The following FAM186A variants were observed in gnomAD, a reference collection of about 807,000 sequenced individuals.
The protein encoded by FAM186A is family with sequence similarity 186 member A.
A neutral mutation model predicts 216.8 loss-of-function variants in FAM186A; 163 were observed. The observed-to-expected ratio is 0.75, with a 90% confidence interval of 0.66 to 0.86. The LOEUF is 0.86. Ranked by LOEUF, FAM186A falls within the 40% of genes least tolerant of loss-of-function variation. The pLI is 0.00. For synonymous variants in FAM186A, 805 were observed against 1,025.3 expected, an observed-to-expected ratio of 0.79 and a Z score of 4.10; for missense variants, 2,184 against 2,746.2, an observed-to-expected ratio of 0.80 and a Z score of 4.58.
intron 4 of FAM186A, among the ~76,000 whole-genome samples, chr12:50,343,667 G>A (rs1247786699): frequency 6.6e-6 from 1 of 152,114 alleles, no homozygotes. Context: ...CACCCAGGCT[G>A]GAGTGCAGTG....
chr12:50,347,931 G>A (rs997349623), intron 4 of FAM186A, among the ~76,000 whole-genome samples: 1 of 151,622 alleles, frequency 6.6e-6, no homozygotes, highest in Admixed American at 6.6e-5. Context: ...TTGAGACGAC[G>A]GCACAGTCTT....
rs371981725 is a variant in FAM186A, at chr12:50,353,866, T to G, written c.2966A>C (p.Gln989Pro). The change falls in exon 4 of 8, where the codon CAG becomes CCG. Residue 989 changes from glutamine to proline, a missense_variant. Coordinates refer to ENST00000327337, the MANE Select transcript of FAM186A (RefSeq NM_001145475.3). ...ERQIKTKDQM[Q>P]MKETQPKELE... ...CTCTTTAGGTTGTGTTTCCTTCATCTGCATCTGATCCTTTGTTTTGATCTG... is the reference window on the plus strand; with the variant it reads ...CTCTTTAGGTTGTGTTTCCTTCATCGGCATCTGATCCTTTGTTTTGATCTG... The G allele has an allele frequency of 1.3e-6, 2 of 1,551,744 alleles. No homozygotes were observed. Among genetic ancestry groups the G allele is most frequent in the Non-Finnish European group, 1.7e-6 (2 of 1,147,044 alleles).
At chr12:50,364,475 A>T in intron 1 of FAM186A, among the ~76,000 whole-genome samples, 1 of 151,704 alleles carries the variant, frequency 6.6e-6, no homozygotes, top group Admixed American at 6.6e-5. Flanking sequence ...GGAGAATAGC[A>T]TGAACCCGGG....
chr12:50,343,284 C>T (rs1418742455), intron 4 of FAM186A, among the ~76,000 whole-genome samples: 1 of 152,140 alleles, frequency 6.6e-6, no homozygotes, highest in Non-Finnish European at 1.5e-5. Flanking sequence ...TCAAGCAATC[C>T]TCCCGCCTTA....
In FAM186A at chr12:50,354,459, TA is replaced by T; in HGVS notation, c.2372del (p.Leu791Ter). 6.4e-7 allele frequency: 1 copy of T among 1,551,618 alleles called. No homozygotes were observed. Among genetic ancestry groups the T allele is most frequent in the Non-Finnish European group, 8.7e-7 (1 of 1,147,000 alleles). On this transcript the variant is annotated frameshift_variant, in exon 4 of 8. Coordinates refer to ENST00000327337, the MANE Select transcript of FAM186A (RefSeq NM_001145475.3). LOFTEE classifies it high-confidence loss of function. The part of the protein sequence containing the change: ...YESTDPVINN[L>X]IQMILAEIES... The stretch of plus-strand genomic sequence containing the variant: ...CTATTTCAGCCAAGATCATTTGTAT[TA>T]AATTGTTAATTACTGGATCTGTGCT...
At chr12:50,372,987 G>A (rs1265092589) in intron 1 of FAM186A, among the ~76,000 whole-genome samples, 1 of 21,844 alleles carries the variant, frequency 4.6e-5, no homozygotes, top group Non-Finnish European at 1.5e-4. Flanking sequence ...AGGGAGGAAG[G>A]AAGGAAGGAA....
At position 50,365,006 on chromosome 12, in the gene FAM186A, C is replaced by T. The variant is rs1159692538; in HGVS notation, c.193-1642G>A. Among the ~76,000 whole-genome samples the T allele has an allele frequency of 2.7e-5, 4 of 146,540 alleles. No individual in the cohort carries two copies. In the East Asian group the frequency reaches 7.9e-4, roughly 29 times the overall value. On this transcript the variant is annotated intron_variant, in intron 1 of 7. Transcript: ENST00000327337. ...TGAGCCGAGATCGCACCATTGCACT[C>T]CAGCCTGGGCAACAAGAGTGAAACT...
intron 4 of FAM186A, among the ~76,000 whole-genome samples, chr12:50,337,189 T>G (rs1942716865): frequency 6.6e-6 from 1 of 151,670 alleles, no homozygotes; most frequent in Non-Finnish European, 1.5e-5. Context: ...TTTTGAGATT[T>G]CCTTATCATT....
chr12:50,360,422 C>T (rs1490072683), intron 3 of FAM186A, among the ~76,000 whole-genome samples: 5 of 149,378 alleles, frequency 3.3e-5, no homozygotes, highest in South Asian at 4.2e-4. Context: ...CAGTGGCTCA[C>T]GCCTGTAATC....
Position 50,353,713 on chromosome 12 carries a change from G to A in FAM186A, c.3119C>T (p.Pro1040Leu). The A allele has an allele frequency of 1.3e-6, 2 of 1,544,002 alleles. No individual in the cohort carries two copies. Among genetic ancestry groups the A allele is most frequent in the Non-Finnish European group, 1.7e-6 (2 of 1,144,470 alleles). ...QRNLKTLENLPDEKEPISITP... is the reference protein window; with the variant it reads ...QRNLKTLENLLDEKEPISITP... ...GATTGATATGGGCTCCTTTTCATCA[G>A]GAAGGTTCTCTAATGTCTTCAGATT... Residue 1040 changes from proline to leucine, a missense_variant, in exon 4 of 8, where the codon CCT becomes CTT. By Grantham distance (98) the Pro-to-Leu change is moderately conservative. Around this residue, in one of 7 missense-constraint regions of FAM186A, gnomAD observed 1,132 missense variants for 1,263.4 expected, o/e 0.90. Transcript: ENST00000327337.
At chr12:50,360,988 G>A in intron 2 of FAM186A, 62 bp from the exon 3 acceptor site, 1 of 1,290,406 alleles carries the variant, frequency 7.7e-7, no homozygotes, top group African/African-American at 1.5e-5. Flanking sequence ...TAGCTACATA[G>A]GCTTATAATA....
At position 50,396,604 on chromosome 12, in the gene FAM186A, T is replaced by C; in HGVS notation, c.-120A>G. The C allele has an allele frequency of 1.1e-6, 1 of 918,822 alleles. No individual in the cohort carries two copies. The highest frequency in any genetic ancestry group is 1.6e-6 in the Non-Finnish European group (1 of 624,246). The allele number at this position is 918,822 out of a possible 1,614,324, so 56.9% of individuals were successfully genotyped here. Reference sequence around the variant, plus strand: ...TTTCCTGATCCTAGAAGTTGTGGCATACTCTGCTACTAATTGGTGGCTCCC... The same window carrying C: ...TTTCCTGATCCTAGAAGTTGTGGCACACTCTGCTACTAATTGGTGGCTCCC... On this transcript the variant is annotated 5_prime_UTR_variant, in exon 1 of 8. The change abolishes an upstream ATG in the 5' untranslated region. Transcript: ENST00000327337.
intron 1 of FAM186A, among the ~76,000 whole-genome samples, chr12:50,381,382 A>G (rs1031190446): frequency 3.3e-5 from 5 of 152,228 alleles, no homozygotes; most frequent in South Asian, 2.1e-4. Flanking sequence ...ATTGAGTGAC[A>G]GAACAGCTCA....
intron 1 of FAM186A, among the ~76,000 whole-genome samples, chr12:50,383,299 A>T (rs970310819): frequency 6.3e-5 from 9 of 142,822 alleles, no homozygotes; most frequent in Non-Finnish European, 1.2e-4. Flanking sequence ...AGAGAGAAAG[A>T]AAAGAAACGG....
rs1555215373 is a variant in FAM186A at position 50,346,220 on chromosome 12, G to GAGAGA, written c.6503+4108_6503+4109insTCTCT. On this transcript the variant is annotated intron_variant, in intron 4 of 7. Transcript: ENST00000327337. ...GAAAGAAAGAGAGAGAGAGAGAGAAGGAAAGAAAGAAAGAAAAAAAGAAAG... is the reference window on the plus strand; with the variant it reads ...GAAAGAAAGAGAGAGAGAGAGAGAAGAGAGAGAAAGAAAGAAAGAAAAAAAGAAAG... Among the ~76,000 whole-genome samples the GAGAGA allele has an allele frequency of 1.5e-3, 72 of 46,688 alleles. 2 individuals carry two copies. In the South Asian group the frequency reaches 0.017, roughly 11 times the overall value. The allele number at this position is 46,688 out of a possible 152,430, so 30.6% of individuals were successfully genotyped here. A position where few individuals can be genotyped will look rare whatever the true frequency, so the allele number is the denominator to read the frequency against.
At chr12:50,367,322 T>C (rs1943099183) in intron 1 of FAM186A, among the ~76,000 whole-genome samples, 1 of 151,626 alleles carries the variant, frequency 6.6e-6, no homozygotes, top group Admixed American at 6.6e-5. Context: ...ATCGAGACCA[T>C]CCTGGCTAAC....
At chr12:50,343,015 C>T (rs10876021) in intron 4 of FAM186A, among the ~76,000 whole-genome samples, 74,764 of 150,902 alleles carry the variant, frequency 0.5, 21,998 homozygotes, top group Non-Finnish European at 0.64. Context: ...TTTGGGATGC[C>T]GAGGTGGTAG....
Position 50,353,427 on chromosome 12 carries a change from G to A in FAM186A, c.3405C>T (p.Leu1135=), listed in dbSNP as rs781165514. The change falls in exon 4 of 8, where the codon CTC becomes CTT. Residue 1135 remains leucine (L), a synonymous_variant. Coordinates refer to ENST00000327337, the MANE Select transcript of FAM186A (RefSeq NM_001145475.3). ...PQQAQALGIP[L]TPQQTQVQGI... The stretch of plus-strand genomic sequence containing the variant: ...CTTGAACCTGGGTCTGCTGAGGGGT[G>A]AGAGGGATCCCCAGGGCCTGCGCCT... The A allele has an allele frequency of 1.3e-6, 2 of 1,529,150 alleles. No individual in the cohort carries two copies. Among genetic ancestry groups the A allele is most frequent in the Non-Finnish European group, 8.8e-7 (1 of 1,136,864 alleles). 94.7% of individuals were successfully genotyped at this position (1,529,150 alleles called of 1,614,324 possible).
In FAM186A at chr12:50,353,901, G is replaced by C. The variant is rs547610861; in HGVS notation, c.2931C>G (p.Asp977Glu). 7 of 1,552,356 alleles carry C rather than the reference G, an allele frequency of 4.5e-6. No individual in the cohort carries two copies. Among genetic ancestry groups the C allele is most frequent in the Non-Finnish European group, 6.1e-6 (7 of 1,147,470 alleles). ...CCTTTGTTTTGATCTGCCTTTCGAG[G>C]TCCTCTAGCCCTCTCTCTGGCTTCT... ...EKQKPERGLE[D>E]LERQIKTKDQ... is the part of the protein sequence containing the mutation. The change falls in exon 4 of 8, where the codon GAC becomes GAG. Residue 977 changes from aspartate (D) to glutamate (E), a missense_variant. By Grantham distance (45) the Asp-to-Glu change is conservative (BLOSUM62 2). Transcript: ENST00000327337.
Sources: gnomAD v4.1 joint callset for allele counts (sites outside exome capture counted in the v4.1 genomes callset) on GRCh38, gnomAD v4.1.1 for gene constraint, gnomAD v4.1.1 regional missense constraint, MANE v1.5 for transcripts, NCBI Gene and HGNC (gene_info 2026-07-23, HGNC 2026-07-21) for gene names.